The following ANKRD11 variants were observed in gnomAD, a reference collection of about 807,000 sequenced individuals.
ANKRD11 encodes ankyrin repeat domain 11, also known as ankyrin repeat domain-containing protein 11.
Under a neutral mutation model 195.7 loss-of-function variants are expected in ANKRD11, and 17 were observed. The observed-to-expected ratio is 0.09, with a 90% CI of 0.06 to 0.13. The LOEUF (loss-of-function observed/expected upper bound fraction) is 0.13. ANKRD11 is among the 10% of genes least tolerant of loss of function. The pLI, the probability that ANKRD11 is intolerant of heterozygous loss-of-function variation, is 1.00. For synonymous variants in ANKRD11, 1,953 were observed against 1,528.1 expected (o/e 1.28, Z -6.49); for missense variants, 3,735 against 3,566.1 (o/e 1.05, Z -1.21).
intron 1 of ANKRD11, among the ~76,000 whole-genome samples, chr16:89,490,034 G>A (rs1254631395): frequency 6.1e-4 from 72 of 117,156 alleles, no homozygotes; most frequent in African/African-American, 2.2e-3. Flanking sequence ...CCCCGAACCC[G>A]GACCCGTAGG....
intron 1 of ANKRD11, among the ~76,000 whole-genome samples, chr16:89,486,292 T>A (rs1182602221): frequency 6.6e-6 from 1 of 151,756 alleles, no homozygotes; most frequent in Non-Finnish European, 1.5e-5. Flanking sequence ...GTAAAATAAA[T>A]TAGCTGGGCA....
intron 1 of ANKRD11, among the ~76,000 whole-genome samples, chr16:89,469,287 T>C (rs1390103261): frequency 6.6e-6 from 1 of 152,092 alleles, no homozygotes; most frequent in Non-Finnish European, 1.5e-5. Context: ...TGTAGCGCAA[T>C]CTTGGCTCAC....
In ANKRD11 at chr16:89,268,315, G is replaced by C; in HGVS notation, c.*163C>G. On this transcript the variant is annotated 3_prime_UTR_variant, in exon 13 of 13. Coordinates refer to ENST00000301030, the MANE Select transcript of ANKRD11 (RefSeq NM_013275.6). ...ACGTGTTTCACCTCCCCGACGTCTGGACCAGTCTGGAAGGGATGGAGGCGC... is the reference window on the plus strand; with the variant it reads ...ACGTGTTTCACCTCCCCGACGTCTGCACCAGTCTGGAAGGGATGGAGGCGC... 2.3e-6 allele frequency: 1 copy of C among 425,694 alleles called. No homozygotes were observed. The allele number at this position is 425,694 out of a possible 1,614,324, so 26.4% of individuals were successfully genotyped here.
intron 2 of ANKRD11, among the ~76,000 whole-genome samples, chr16:89,394,942 G>A (rs972834776): frequency 5.3e-5 from 8 of 152,176 alleles, no homozygotes; most frequent in Non-Finnish European, 1.2e-4. Context: ...TTTTTCCAAG[G>A]CTACTTAGAG....
chr16:89,276,333 C>T (rs914413122), intron 9 of ANKRD11, among the ~76,000 whole-genome samples: 1 of 152,202 alleles, frequency 6.6e-6, no homozygotes, highest in Non-Finnish European at 1.5e-5. Flanking sequence ...GAGCCGTGGA[C>T]AGCGATGCGC....
chr16:89,391,120 C>T lies in ANKRD11; in HGVS notation c.-60+27164G>A, dbSNP rs62068596. Among the ~76,000 whole-genome samples the T allele has an allele frequency of 3.7e-3, 553 of 150,206 alleles. 1 individual carries two copies. The highest frequency in any genetic ancestry group is 6.1e-3 in the Non-Finnish European group (411 of 67,792). ...GTGGGCGCCTGTAGTCCCAGCTACTCGGGAGGCTGAAGCAGGAGAATGGTG... is the reference window on the plus strand; with the variant it reads ...GTGGGCGCCTGTAGTCCCAGCTACTTGGGAGGCTGAAGCAGGAGAATGGTG... On this transcript the variant is annotated intron_variant, in intron 2 of 12. Coordinates refer to ENST00000301030, the MANE Select transcript of ANKRD11 (RefSeq NM_013275.6).
At chr16:89,448,839 G>A (rs1239767371) in intron 1 of ANKRD11, among the ~76,000 whole-genome samples, 1 of 152,254 alleles carries the variant, frequency 6.6e-6, no homozygotes, top group African/African-American at 2.4e-5. Flanking sequence ...CATGCGGGCA[G>A]GGCAGGAGAG....
At position 89,489,977 on chromosome 16, in the gene ANKRD11, CT is replaced by C. The variant is rs560094653; in HGVS notation, c.-145+267del. Among the ~76,000 whole-genome samples, 732 of 145,010 alleles carry C rather than the reference CT, an allele frequency of 5.0e-3. 7 individuals carry two copies. Among genetic ancestry groups the C allele is most frequent in the African/African-American group, 0.017 (665 of 39,438 alleles). Reference sequence around the variant, plus strand: ...CCTCCCAGGCCCCCCCCGGAGCCCCCTATGGGCCCCTCACGGCCACCCCGGG... The same window carrying C: ...CCTCCCAGGCCCCCCCCGGAGCCCCCATGGGCCCCTCACGGCCACCCCGGG... On this transcript the variant is annotated intron_variant, in intron 1 of 12. Transcript: ENST00000301030.
rs576942215 is a variant in ANKRD11 at position 89,305,084 on chromosome 16, G to A, written c.226+122C>T. ...CCCTGCTGCCTCTTGCCTGGACGGC[G>A]TGCAGGGTGCTAGAGTGCGTCCCAG... On this transcript the variant is annotated intron_variant, in intron 4 of 12. Transcript: ENST00000301030. 29 of 1,431,334 alleles carry A rather than the reference G, an allele frequency of 2.0e-5. No individual in the cohort carries two copies. The South Asian group carries it at 2.8e-4, about 14-fold the overall frequency. The allele number at this position is 1,431,334 out of a possible 1,614,324, so 88.7% of individuals were successfully genotyped here. A position where few individuals can be genotyped will look rare whatever the true frequency, so the allele number is the denominator to read the frequency against.
intron 2 of ANKRD11, among the ~76,000 whole-genome samples, chr16:89,326,995 G>A (rs898469737): frequency 5.3e-5 from 8 of 151,296 alleles, no homozygotes; most frequent in Non-Finnish European, 8.8e-5. Context: ...GCAGAGGTGG[G>A]GAATGCAGAG....
intron 2 of ANKRD11, among the ~76,000 whole-genome samples, chr16:89,414,594 C>T (rs1181708556): frequency 1.3e-5 from 2 of 152,218 alleles, no homozygotes; most frequent in Non-Finnish European, 2.9e-5. Flanking sequence ...GAAGTCTTTA[C>T]AGTAGATACG....
chr16:89,317,759 TTTTTATTTATTAATCATG>T lies in ANKRD11; in HGVS notation c.-59-699_-59-682del, dbSNP rs1345394831. Among the ~76,000 whole-genome samples the T allele has an allele frequency of 1.3e-5, 2 of 152,208 alleles. 1 individual carries two copies. Among genetic ancestry groups the T allele is most frequent in the Non-Finnish European group, 2.9e-5 (2 of 68,018 alleles). The stretch of plus-strand genomic sequence containing the variant: ...CACATACTGTATTAATTGTATATTA[TTTTTATTTATTAATCATG>T]TTTTATTTTAGGAAATTTTGCCATC... On this transcript the variant is annotated intron_variant, in intron 2 of 12. Coordinates refer to ENST00000301030, the MANE Select transcript of ANKRD11 (RefSeq NM_013275.6).
In ANKRD11 at chr16:89,279,074, C is replaced by T; in HGVS notation, c.7468G>A (p.Val2490Met). ...GKPLSKLHIP[V>M]IAPPPSLAEP... Reference sequence around the variant, plus strand: ...GCTCTCCCGGGCCCCGCACTCACCACGGGGATGTGGAGCTTGCTGAGCGGC... The same window carrying T: ...GCTCTCCCGGGCCCCGCACTCACCATGGGGATGTGGAGCTTGCTGAGCGGC... Residue 2490 changes from valine to methionine, a missense_variant and splice_region_variant, in exon 9 of 13, where the codon GTG becomes ATG. Transcript: ENST00000301030. The surrounding 1 kb of genome is among the most constrained non-coding windows in gnomAD (Gnocchi z 5.6). The T allele has an allele frequency of 6.2e-7, 1 of 1,613,966 alleles. No homozygotes were observed. The highest frequency in any genetic ancestry group is 8.5e-7 in the Non-Finnish European group (1 of 1,179,916).
Position 89,281,925 on chromosome 16 carries a change from C to G in ANKRD11, c.4617G>C (p.Glu1539Asp). The change falls in exon 9 of 13, where the codon GAG becomes GAC. Residue 1539 changes from glutamate to aspartate, a missense_variant. Coordinates refer to ENST00000301030, the MANE Select transcript of ANKRD11 (RefSeq NM_013275.6). This position sits in a 1 kb window ranked among gnomAD's most constrained non-coding sequence, Gnocchi z 5.5. ...KLKEKFKDGA[E>D]KEKGDPVKMS... Reference sequence around the variant, plus strand: ...TCTTCACTGGGTCGCCCTTTTCTTTCTCTGCACCGTCCTTGAATTTCTCCT... The same window carrying G: ...TCTTCACTGGGTCGCCCTTTTCTTTGTCTGCACCGTCCTTGAATTTCTCCT... 1 of 1,613,286 alleles carries G rather than the reference C, an allele frequency of 6.2e-7. No individual in the cohort carries two copies. Among genetic ancestry groups the G allele is most frequent in the Non-Finnish European group, 8.5e-7 (1 of 1,180,034 alleles).
chr16:89,278,595 G>A, intron 9 of ANKRD11: 1 of 458,078 alleles, frequency 2.2e-6, no homozygotes, highest in Non-Finnish European at 4.4e-6. Flanking sequence ...CTGCAGCTCT[G>A]CTGTCCCAGA....
intron 1 of ANKRD11, among the ~76,000 whole-genome samples, chr16:89,442,589 G>T (rs1459861632): frequency 5.9e-5 from 9 of 152,152 alleles, no homozygotes; most frequent in Non-Finnish European, 1.3e-4. Flanking sequence ...GTATCATTCA[G>T]GAACGGTTTT....
At chr16:89,460,400 A>T (rs1160653560) in intron 1 of ANKRD11, among the ~76,000 whole-genome samples, 1 of 151,886 alleles carries the variant, frequency 6.6e-6, no homozygotes, top group Non-Finnish European at 1.5e-5. Context: ...TCCACTAAAA[A>T]TACAAAAAAT....
At chr16:89,395,228 T>C (rs2041374195) in intron 2 of ANKRD11, among the ~76,000 whole-genome samples, 1 of 152,218 alleles carries the variant, frequency 6.6e-6, no homozygotes, top group Non-Finnish European at 1.5e-5. Context: ...GAAAGAATTA[T>C]GCAAGCCAAG....
At chr16:89,397,561 G>A (rs1380217814) in intron 2 of ANKRD11, among the ~76,000 whole-genome samples, 1 of 152,222 alleles carries the variant, frequency 6.6e-6, no homozygotes, top group African/African-American at 2.4e-5. Context: ...CCAGCCAAGT[G>A]GATCCCTGGC....
Sources: allele counts gnomAD v4.1 joint callset (sites outside exome capture counted in the v4.1 genomes callset), GRCh38; gene constraint gnomAD v4.1.1; non-coding constraint Gnocchi (gnomAD v3.1); transcripts MANE v1.5; gene names NCBI Gene and HGNC (gene_info 2026-07-23, HGNC 2026-07-21).